Variants in SOX5 observed in about 807,000 individuals in gnomAD.
SOX5 encodes the protein SRY-box transcription factor 5.
In SOX5, 9 loss-of-function variants were observed where a neutral mutation model predicts 92.0. The ratio of observed to expected loss-of-function variants is 0.10; its 90% CI spans 0.06 to 0.17. The LOEUF is 0.17. SOX5 is among the 10% of genes least tolerant of loss of function. SOX5 has a pLI of 1.00. For missense variants in SOX5, 642 were observed against 944.5 expected, an observed-to-expected ratio of 0.68 and a Z score of 4.20; for synonymous variants, 344 against 336.3, an observed-to-expected ratio of 1.02 and a Z score of -0.25.
At chr12:23,563,654 C>A (rs1001874731) in intron 10 of SOX5, among the ~76,000 whole-genome samples, 1 of 152,002 alleles carries the variant, frequency 6.6e-6, no homozygotes, top group Non-Finnish European at 1.5e-5. Flanking sequence ...TGGTTGTTTC[C>A]AACTATTTTG....
intron 3 of SOX5, among the ~76,000 whole-genome samples, chr12:24,251,637 T>A (rs1379130437): frequency 6.6e-6 from 1 of 151,680 alleles, no homozygotes; most frequent in Non-Finnish European, 1.5e-5. Context: ...AATGGCGTGA[T>A]CTCGACTCAC....
chr12:23,862,357 A>G (rs2096765657), intron 2 of SOX5, among the ~76,000 whole-genome samples: 1 of 152,166 alleles, frequency 6.6e-6, no homozygotes, highest in Non-Finnish European at 1.5e-5. Context: ...TTTGTCTACT[A>G]TTGAAAATAG....
chr12:24,180,468 C>T (rs1353306276), intron 4 of SOX5, among the ~76,000 whole-genome samples: 4 of 152,178 alleles, frequency 2.6e-5, no homozygotes, highest in Non-Finnish European at 5.9e-5. Flanking sequence ...TGCAAATAAG[C>T]TTCTAAGTCC....
At chr12:24,075,277 TAAAAAAAAAAAA>T (rs59967372) in intron 4 of SOX5, among the ~76,000 whole-genome samples, 5,271 of 75,926 alleles carry the variant, frequency 0.069, 163 homozygotes, top group Admixed American at 0.13. Context: ...CTCAAATTAT[TAAAAAAAAAAAA>T]AAAAAAAAAA....
intron 4 of SOX5, among the ~76,000 whole-genome samples, chr12:24,028,367 T>G (rs1191246039): frequency 6.6e-6 from 1 of 151,974 alleles, no homozygotes; most frequent in African/African-American, 2.4e-5. Flanking sequence ...TCTTAATAAT[T>G]TGGATTAATA....
intron 4 of SOX5, among the ~76,000 whole-genome samples, chr12:23,749,699 G>C (rs1293316617): frequency 6.6e-6 from 1 of 151,848 alleles, no homozygotes; most frequent in African/African-American, 2.4e-5. Context: ...ACCTTTTAAT[G>C]GAGACTGTAA....
chr12:23,986,786 G>A (rs920992754), intron 4 of SOX5, among the ~76,000 whole-genome samples: 1 of 152,016 alleles, frequency 6.6e-6, no homozygotes, highest in Admixed American at 6.6e-5. Context: ...ATAAGTTAGG[G>A]AATCATAATC....
At chr12:23,644,852 T>C (rs1033819246) in intron 7 of SOX5, among the ~76,000 whole-genome samples, 2 of 152,222 alleles carry the variant, frequency 1.3e-5, no homozygotes, top group Non-Finnish European at 2.9e-5. Context: ...CTATTAGAAT[T>C]GACAATTTAA....
intron 14 of SOX5, among the ~76,000 whole-genome samples, chr12:23,535,195 T>G (rs1429519025): frequency 6.6e-6 from 1 of 152,244 alleles, no homozygotes; most frequent in Non-Finnish European, 1.5e-5. Context: ...GCAGAAATAG[T>G]ATTTTTCCCT....
intron 1 of SOX5, among the ~76,000 whole-genome samples, chr12:24,516,591 A>G (rs1030106087): frequency 6.6e-6 from 1 of 152,030 alleles, no homozygotes; most frequent in Admixed American, 6.5e-5. Flanking sequence ...TTTGATACTT[A>G]CCCCTTGAAA....
chr12:23,600,557 A>ATATG (rs2074352472), intron 9 of SOX5, among the ~76,000 whole-genome samples: 1 of 111,124 alleles, frequency 9.0e-6, no homozygotes, highest in Non-Finnish European at 2.2e-5. Flanking sequence ...ATATATACAC[A>ATATG]TACTTGGCTT....
intron 8 of SOX5, among the ~76,000 whole-genome samples, chr12:23,636,969 G>C (rs1451534888): frequency 5.3e-5 from 8 of 152,080 alleles, no homozygotes; most frequent in Non-Finnish European, 1.0e-4. Flanking sequence ...AATTAAATAA[G>C]ATAATCCTCG....
intron 4 of SOX5, among the ~76,000 whole-genome samples, chr12:24,032,656 G>A (rs920405756): frequency 6.6e-6 from 1 of 151,740 alleles, no homozygotes; most frequent in African/African-American, 2.4e-5. Flanking sequence ...ATTCAACCAG[G>A]CCATGCCAGG....
At chr12:24,492,893 A>G (rs1048740502) in intron 1 of SOX5, among the ~76,000 whole-genome samples, 6 of 152,200 alleles carry the variant, frequency 3.9e-5, no homozygotes, top group Non-Finnish European at 8.8e-5. Flanking sequence ...GAAAATTCAA[A>G]CATATATAAA....
At chr12:24,070,219 G>T (rs1030130704) in intron 4 of SOX5, among the ~76,000 whole-genome samples, 1 of 151,866 alleles carries the variant, frequency 6.6e-6, no homozygotes, top group South Asian at 2.1e-4. Flanking sequence ...TGTCCCTTCC[G>T]CTCCCTCCCC....
chr12:23,665,604 C>T (rs11047034), intron 6 of SOX5, 40 bp from the exon 7 acceptor site: 39,243 of 1,568,418 alleles, frequency 0.025, 622 homozygotes, highest in African/African-American at 0.053. Context: ...GAAGAAGTTT[C>T]GATGCTCCAT....
intron 5 of SOX5, among the ~76,000 whole-genome samples, chr12:23,737,406 G>C (rs1481948820): frequency 9.9e-5 from 15 of 152,078 alleles, no homozygotes; most frequent in African/African-American, 3.6e-4. Context: ...CAGGCATGGT[G>C]GTGGGCACCT....
At position 23,604,543 on chromosome 12, in the gene SOX5, A is replaced by G. The variant is rs769200132; in HGVS notation, c.1018-10T>C. ...GGGCAGCATATAACTGCTACAGAAG[A>G]AAAAGAGAGAGAGGGAGAAAGAATA... On this transcript the variant is annotated splice_polypyrimidine_tract_variant and intron_variant, in intron 8 of 14. Coordinates refer to ENST00000451604, the MANE Select transcript of SOX5 (RefSeq NM_006940.6). 2 of 1,612,136 alleles carry G rather than the reference A, an allele frequency of 1.2e-6. No homozygotes were observed. Among genetic ancestry groups the G allele is most frequent in the East Asian group, 4.5e-5 (2 of 44,866 alleles).
In SOX5 at chr12:23,723,047, A is replaced by G. The variant is rs548676600; in HGVS notation, c.810+11637T>C. 1.5e-3 allele frequency among the ~76,000 whole-genome samples: 221 copies of G among 152,244 alleles called. 3 individuals carry two copies. Among genetic ancestry groups the G allele is most frequent in the African/African-American group, 4.7e-3 (196 of 41,562 alleles). On this transcript the variant is annotated intron_variant, in intron 6 of 14. Transcript: ENST00000451604. Reference sequence around the variant, plus strand: ...AAATTTTATTGTTATCTCTTGATTTACCTTACGGCAGCCCTATCCCTCCTC... The same window carrying G: ...AAATTTTATTGTTATCTCTTGATTTGCCTTACGGCAGCCCTATCCCTCCTC...
Sources: gnomAD v4.1 joint callset for allele counts (sites outside exome capture counted in the v4.1 genomes callset) on GRCh38, gnomAD v4.1.1 for gene constraint, MANE v1.5 for transcripts, NCBI Gene and HGNC (gene_info 2026-07-23, HGNC 2026-07-21) for gene names.